Variants in PHF19 observed in about 807,000 individuals in gnomAD.
PHF19 encodes the protein polycomb like 3.
Under a neutral mutation model 79.8 loss-of-function variants are expected in PHF19, and 21 were observed. The observed-to-expected ratio is 0.26, with a 90% CI of 0.19 to 0.38. The LOEUF is 0.38. Among genes scored for constraint, PHF19 ranks in the 10% least tolerant of loss-of-function variants. The probability of loss-of-function intolerance (pLI) is 1.00; values close to 1 mark genes in which losing one functional copy is unlikely to be tolerated. For synonymous variants in PHF19, 273 were observed against 296.3 expected, an observed-to-expected ratio of 0.92 and a Z score of 0.81; for missense variants, 445 against 744.2, an observed-to-expected ratio of 0.60 and a Z score of 4.68.
At chr9:120,868,109 T>C (rs1248916634) in intron 6 of PHF19, among the ~76,000 whole-genome samples, 1 of 152,064 alleles carries the variant, frequency 6.6e-6, no homozygotes, top group Non-Finnish European at 1.5e-5. Flanking sequence ...TCCTGCTTTG[T>C]CGCCCAGGCT....
Position 120,866,066 on chromosome 9 carries a change from G to C in PHF19, c.741C>G (p.Asn247Lys). Residue 247 changes from asparagine (N) to lysine (K), a missense_variant, in exon 8 of 15, where the codon AAC (asparagine) becomes AAG (lysine). Around this residue, in one of 5 missense-constraint regions of PHF19, gnomAD observed 167 missense variants for 375.8 expected, o/e 0.44. Transcript: ENST00000373896. The surrounding 1 kb of genome is among the most constrained non-coding windows in gnomAD (Gnocchi z 5.2). ...GCCTCTCGATGTACTCTGGGCCCTG[G>C]TTACACACGGAGCAGAAGAACAGGT... is the stretch of plus-strand genomic sequence containing the variant. ...RFYLFFCSVC[N>K]QGPEYIERLP... 6.2e-7 allele frequency: 1 copy of C among 1,613,984 alleles called. No individual in the cohort carries two copies. The highest frequency in any genetic ancestry group is 8.5e-7 in the Non-Finnish European group (1 of 1,179,938).
At chr9:120,877,450 C>T (rs2046101466), upstream of PHF19, 1 of 727,352 alleles carries the variant, frequency 1.4e-6, no homozygotes, top group Non-Finnish European at 1.7e-6. Context: ...CGCCCCCGCC[C>T]GCCCCGCGGG....
intron 3 of PHF19, 134 bp downstream of exon 3, chr9:120,873,845 G>T (rs1216375609): frequency 1.6e-5 from 10 of 638,860 alleles, no homozygotes; most frequent in African/African-American, 3.6e-5. Context: ...CATCATCACA[G>T]GTGGGCTTGG....
At chr9:120,878,619 C>T (rs2046129427), upstream of PHF19, among the ~76,000 whole-genome samples, 1 of 152,254 alleles carries the variant, frequency 6.6e-6, no homozygotes, top group Admixed American at 6.5e-5. Context: ...CTCACCTTCT[C>T]AGCAGAGATC....
chr9:120,868,998 AC>A, intron 6 of PHF19, 183 bp downstream of exon 6: 1 of 39,448 alleles, frequency 2.5e-5, no homozygotes, highest in Non-Finnish European at 3.0e-5. Context: ...CCGAGGCCCC[AC>A]CCCCGCGGCT....
chr9:120,888,024 G>A (rs749871802), intron 1 of PHF19, among the ~76,000 whole-genome samples: 3 of 152,194 alleles, frequency 2.0e-5, no homozygotes, highest in Non-Finnish European at 4.4e-5. Flanking sequence ...CCAGACTGGA[G>A]TGCAGTCGCA....
chr9:120,858,476 T>C (rs1449544408), intron 14 of PHF19, among the ~76,000 whole-genome samples, 190 bp from the exon 15 acceptor site: 2 of 152,110 alleles, frequency 1.3e-5, no homozygotes, highest in Non-Finnish European at 2.9e-5. Context: ...AATCTATGCC[T>C]TGGGCATAGA....
the PHF19 span, among the ~76,000 whole-genome samples, chr9:120,902,183 C>A: frequency 6.6e-6 from 1 of 152,242 alleles, no homozygotes; most frequent in Admixed American, 6.5e-5. Context: ...ACATTAGAAC[C>A]CCCTGCGGAG....
Position 120,869,335 on chromosome 9 carries a change from G to T in PHF19, c.466-5C>A. The T allele has an allele frequency of 1.9e-6, 3 of 1,610,752 alleles. No homozygotes were observed. The highest frequency in any genetic ancestry group is 2.5e-6 in the Non-Finnish European group (3 of 1,179,126). On this transcript the variant is annotated splice_region_variant and splice_polypyrimidine_tract_variant and intron_variant, in intron 5 of 14. Transcript: ENST00000373896. This position sits in a 1 kb window ranked among gnomAD's most constrained non-coding sequence, Gnocchi z 5.8. ...CTTCTTCAGCGCGCCGCCTTTCTGG[G>T]GGGAGACGAGGGCCCCAGTCAACCA...
Position 120,887,039 on chromosome 9 carries a change from C to T in PHF19, c.42+7749G>A, listed in dbSNP as rs554550402. ...CGAGATCGCCCCACTGCACTCCAGC[C>T]TAGGTGACAGAGCCAGACTCTGTCT... is the stretch of plus-strand genomic sequence containing the variant. On this transcript the variant is annotated intron_variant, in intron 1 of 14. Transcript: ENST00000616568. Among the ~76,000 whole-genome samples, 9 of 146,452 alleles carry T rather than the reference C, an allele frequency of 6.1e-5. No homozygotes were observed. The East Asian group carries it at 1.8e-3, about 29-fold the overall frequency.
intron 1 of PHF19, among the ~76,000 whole-genome samples, chr9:120,894,000 G>A (rs1311085806): frequency 1.3e-5 from 2 of 152,156 alleles, no homozygotes; most frequent in Non-Finnish European, 2.9e-5. Flanking sequence ...AAACCATGTG[G>A]GGCCCACCCA....
upstream of PHF19, chr9:120,877,453 C>T (rs2131575621): frequency 1.4e-6 from 1 of 695,050 alleles, no homozygotes; most frequent in Non-Finnish European, 1.8e-6. Flanking sequence ...CCCCGCCCGC[C>T]CCGCGGGCGC....
At chr9:120,881,287 A>G (rs1250505965), upstream of PHF19, among the ~76,000 whole-genome samples, 1 of 150,944 alleles carries the variant, frequency 6.6e-6, no homozygotes, top group Non-Finnish European at 1.5e-5. Context: ...AGCTGGGACT[A>G]CAGGCACCCA....
chr9:120,861,869 G>T, intron 12 of PHF19, 49 bp downstream of exon 12: 1 of 1,305,694 alleles, frequency 7.7e-7, no homozygotes, highest in Non-Finnish European at 1.1e-6. Context: ...GCCCTAATAT[G>T]TGCTGACCCT....
In PHF19 at chr9:120,866,836, G is replaced by A. The variant is rs2045717681; in HGVS notation, c.710+34C>T. Reference sequence around the variant, plus strand: ...GCCATCCCTGCCCTCTCCCCACCACGCCCAAGGCCCACTTGGACCAAATTA... The same window carrying A: ...GCCATCCCTGCCCTCTCCCCACCACACCCAAGGCCCACTTGGACCAAATTA... On this transcript the variant is annotated intron_variant, in intron 7 of 14. Transcript: ENST00000373896. This position sits in a 1 kb window ranked among gnomAD's most constrained non-coding sequence, Gnocchi z 5.2. 4.1e-6 allele frequency: 5 copies of A among 1,216,770 alleles called. No homozygotes were observed. The highest frequency in any genetic ancestry group is 2.3e-5 in the East Asian group (1 of 42,794). The allele number at this position is 1,216,770 out of a possible 1,614,324, so 75.4% of individuals were successfully genotyped here. A position where few individuals can be genotyped will look rare whatever the true frequency, so the allele number is the denominator to read the frequency against.
At chr9:120,897,105 G>A (rs75110314), upstream of PHF19, among the ~76,000 whole-genome samples, 22 of 152,350 alleles carry the variant, frequency 1.4e-4, no homozygotes, top group East Asian at 3.3e-3. Context: ...TGCGGATTAC[G>A]ATCATATGTA....
In PHF19 at chr9:120,891,984, G is replaced by T. The variant is rs560838939; in HGVS notation, c.42+2804C>A. Among the ~76,000 whole-genome samples, 2 of 152,176 alleles carry T rather than the reference G, an allele frequency of 1.3e-5. No individual in the cohort carries two copies. Among genetic ancestry groups the T allele is most frequent in the Admixed American group, 1.3e-4 (2 of 15,270 alleles). ...GTAGGAAAGTTCAAAGCAAAGAAAG[G>T]CCTCCAGGGGACCATGCGGGGACTG... On this transcript the variant is annotated intron_variant, in intron 1 of 14. Transcript: ENST00000616568. This position sits in a 1 kb window ranked among gnomAD's most constrained non-coding sequence, Gnocchi z 4.3.
rs1564510234 is a variant in PHF19, at chr9:120,874,975, CAAAGGCAGAGCCA to C, written c.-15-232_-15-220del. Among the ~76,000 whole-genome samples, 1 of 152,086 alleles carries C rather than the reference CAAAGGCAGAGCCA, an allele frequency of 6.6e-6. No individual in the cohort carries two copies. The highest frequency in any genetic ancestry group is 1.5e-5 in the Non-Finnish European group (1 of 68,014). ...TGGCAAGGAGAAGAGGCTGATGGGCCAAAGGCAGAGCCATGGCCCATACCACACTACCTTTTAA... is the reference window on the plus strand; with the variant it reads ...TGGCAAGGAGAAGAGGCTGATGGGCCTGGCCCATACCACACTACCTTTTAA... On this transcript the variant is annotated intron_variant, in intron 1 of 14. Transcript: ENST00000373896. The surrounding 1 kb of genome is among the most constrained non-coding windows in gnomAD (Gnocchi z 4.5).
chr9:120,892,363 G>A (rs2046353436), intron 1 of PHF19, among the ~76,000 whole-genome samples: 1 of 152,076 alleles, frequency 6.6e-6, no homozygotes, highest in Non-Finnish European at 1.5e-5. Context: ...GTGGGGAGCG[G>A]GTACAGGAAA....
Sources: allele counts gnomAD v4.1 joint callset (sites outside exome capture counted in the v4.1 genomes callset), GRCh38; gene constraint gnomAD v4.1.1; regional missense constraint gnomAD v4.1.1; non-coding constraint Gnocchi (gnomAD v3.1); transcripts MANE v1.5; gene names NCBI Gene and HGNC (gene_info 2026-07-23, HGNC 2026-07-21).